Variants in BRWD3 observed in about 807,000 individuals in gnomAD.
BRWD3 encodes bromodomain and WD repeat domain containing 3.
BRWD3 carries 10 observed loss-of-function variants against 149.7 expected under a neutral mutation model. The observed-to-expected ratio is 0.07, with a 90% confidence interval of 0.04 to 0.11. The LOEUF (loss-of-function observed/expected upper bound fraction) is 0.11, where lower values mean the gene tolerates loss of function less well. Among genes scored for constraint, BRWD3 ranks in the 10% least tolerant of loss-of-function variants. The probability of loss-of-function intolerance (pLI) is 1.00; values close to 1 mark genes in which losing one functional copy is unlikely to be tolerated. For synonymous variants in BRWD3, 504 were observed against 456.7 expected (o/e 1.10, Z -1.32); for missense variants, 940 against 1,373.2 (o/e 0.68, Z 4.99).
At chrX:80,707,528 G>A in intron 21 of BRWD3, 25 bp from the exon 22 acceptor site, 1 of 1,157,980 alleles carries the variant, frequency 8.6e-7, no homozygotes, top group African/African-American at 1.8e-5. Flanking sequence ...CAGCAATTAA[G>A]ATATATGGAT....
chrX:80,688,094 C>T lies in BRWD3; in HGVS notation c.3839G>A (p.Gly1280Asp). 1 of 1,202,467 alleles carries T rather than the reference C, an allele frequency of 8.3e-7. No homozygotes were observed. The highest frequency in any genetic ancestry group is 1.1e-6 in the Non-Finnish European group (1 of 887,509). Residue 1280 changes from glycine (G) to aspartate (D), a missense_variant, in exon 34 of 41, where the codon GGT becomes GAT. Gly to Asp is a moderately conservative substitution (Grantham distance 94, BLOSUM62 -1). Around this residue, in one of 6 missense-constraint regions of BRWD3, gnomAD observed 349 missense variants for 419.6 expected, o/e 0.83. Coordinates refer to ENST00000373275, the MANE Select transcript of BRWD3 (RefSeq NM_153252.5). ...DTEIVDLDSD[G>D]PGTSSGRKVK... ...CTTTCTTCCAGATGAAGTACCAGGA[C>T]CGTCTGAATCTAAATCAACAATTTC...
intron 4 of BRWD3, among the ~76,000 whole-genome samples, chrX:80,804,559 A>G (rs1361730158): frequency 8.9e-6 from 1 of 111,831 alleles, no homozygotes; most frequent in Non-Finnish European, 1.9e-5. Context: ...TTATGATACG[A>G]GACTCCTAAA....
intron 31 of BRWD3, 100 bp downstream of exon 31, chrX:80,690,953 T>C: frequency 9.9e-7 from 1 of 1,010,422 alleles, no homozygotes; most frequent in Admixed American, 2.8e-5. Context: ...TGTGGGTCTT[T>C]TGGATGATCA....
In BRWD3 at chrX:80,686,868, A is replaced by G; in HGVS notation, c.4000T>C (p.Tyr1334His). Residue 1334 changes from tyrosine (Y) to histidine (H), a missense_variant, in exon 35 of 41, where the codon TAC becomes CAC. Coordinates refer to ENST00000373275, the MANE Select transcript of BRWD3 (RefSeq NM_153252.5). ...TTAAACAACTGTATGCTTACTGGGT[A>G]AGAAAGAAGATCAGCTGGCTGTCGA... Reference protein sequence around the residue: ...PFRQPADLLSYPGHQEQEGES... With the variant: ...PFRQPADLLSHPGHQEQEGES... The G allele has an allele frequency of 2.5e-6, 3 of 1,209,327 alleles. No homozygotes were observed. Among genetic ancestry groups the G allele is most frequent in the Non-Finnish European group, 3.4e-6 (3 of 893,784 alleles).
chrX:80,698,658 G>A (rs1270549807), intron 25 of BRWD3, among the ~76,000 whole-genome samples: 7 of 107,872 alleles, frequency 6.5e-5, no homozygotes, highest in Non-Finnish European at 1.1e-4. Context: ...GCAGTGAGCC[G>A]AGATCGCTCT....
chrX:80,729,006 GTTTAGA>G, intron 13 of BRWD3, 101 bp from the exon 14 acceptor site: 1 of 721,765 alleles, frequency 1.4e-6, no homozygotes, highest in East Asian at 3.2e-5. Context: ...GTATACAACT[GTTTAGA>G]TTTAAAAATC....
intron 29 of BRWD3, 50 bp downstream of exon 29, chrX:80,692,039 C>T: frequency 3.4e-6 from 4 of 1,186,405 alleles, no homozygotes; most frequent in Middle Eastern, 2.7e-4. Flanking sequence ...CATGTGATTA[C>T]CATTTTACTT....
chrX:80,737,804 C>G (rs1279190798), intron 8 of BRWD3, among the ~76,000 whole-genome samples: 1 of 112,795 alleles, frequency 8.9e-6, no homozygotes, highest in Non-Finnish European at 1.9e-5. Flanking sequence ...CACCGCACTC[C>G]AGCCTGGGCT....
At chrX:80,801,536 G>A (rs1055438722) in intron 4 of BRWD3, among the ~76,000 whole-genome samples, 1 of 109,112 alleles carries the variant, frequency 9.2e-6, no homozygotes, top group Non-Finnish European at 1.9e-5. Flanking sequence ...TTTAAACAGG[G>A]TAACTTAAAA....
intron 4 of BRWD3, among the ~76,000 whole-genome samples, chrX:80,796,495 T>C (rs2147860719): frequency 8.9e-6 from 1 of 112,133 alleles, no homozygotes; most frequent in African/African-American, 3.2e-5. Context: ...ATGCCTTTTT[T>C]GTTTTCCTAG....
rs765445237 is a variant in BRWD3, at chrX:80,674,404, G to A, written c.*2205C>T. On this transcript the variant is annotated 3_prime_UTR_variant, in exon 41 of 41. Transcript: ENST00000373275. ...CATTTCAAGAGGTCAGCTCTTCATA[G>A]AAGAATGTCAACAAAAAATTTCAAA... The A allele has an allele frequency of 9.0e-6, 1 of 111,155 alleles. No individual in the cohort carries two copies. The highest frequency in any genetic ancestry group is 1.9e-5 in the Non-Finnish European group (1 of 52,902). 9.2% of individuals were successfully genotyped at this position (111,155 alleles called of 1,213,427 possible).
chrX:80,706,360 C>T (rs12686966), intron 22 of BRWD3, among the ~76,000 whole-genome samples: 3,680 of 111,616 alleles, frequency 0.033, 75 homozygotes, highest in South Asian at 0.16. Flanking sequence ...CCTTCCACCT[C>T]GGCCTCCAAA....
At chrX:80,805,762 C>T (rs1051955498) in intron 4 of BRWD3, among the ~76,000 whole-genome samples, 2 of 111,216 alleles carry the variant, frequency 1.8e-5, no homozygotes, top group Non-Finnish European at 3.8e-5. Context: ...GGCGAAACCC[C>T]GTCTCTACTA....
rs775094050 is a variant in BRWD3 at position 80,793,635 on chromosome X, T to A, written c.318A>T (p.Leu106=). The A allele has an allele frequency of 4.1e-6, 5 of 1,208,481 alleles. No homozygotes were observed. The highest frequency in any genetic ancestry group is 4.5e-6 in the Non-Finnish European group (4 of 894,500). ...TGAAAATCTCACCTTTGGCATCCCG[T>A]AGCAGAGACTGCCGACCAACACCTA... ...TLLGVGRQSL[L]RDAKDCKSTL... Residue 106 remains leucine (L), a synonymous_variant, in exon 5 of 41, where the codon CTA becomes CTT. Transcript: ENST00000373275.
At chrX:80,794,377 C>T (rs1453362300) in intron 4 of BRWD3, among the ~76,000 whole-genome samples, 1 of 107,517 alleles carries the variant, frequency 9.3e-6, no homozygotes, top group Non-Finnish European at 1.9e-5. Flanking sequence ...ATGGTGGCTG[C>T]ACCTCTAATC....
At chrX:80,738,147 C>T (rs1017756601) in intron 8 of BRWD3, among the ~76,000 whole-genome samples, 1 of 112,389 alleles carries the variant, frequency 8.9e-6, no homozygotes, top group African/African-American at 3.2e-5. Flanking sequence ...ACCTTTATCT[C>T]CATTGCATTT....
rs1037447525 is a variant in BRWD3, at chrX:80,692,854, A to G, written c.3263+86T>C. On this transcript the variant is annotated intron_variant, in intron 28 of 40. Coordinates refer to ENST00000373275, the MANE Select transcript of BRWD3 (RefSeq NM_153252.5). ...TGTGAGACTAGATAAGTCAGATAAA[A>G]GGGCATTACTCCTGATGGAGGCTAT... 4.1e-6 allele frequency: 3 copies of G among 724,129 alleles called. No individual in the cohort carries two copies. The African/African-American group carries it at 6.3e-5, about 15-fold the overall frequency. The allele number at this position is 724,129 out of a possible 1,213,427, so 59.7% of individuals were successfully genotyped here. A position where few individuals can be genotyped will look rare whatever the true frequency, so the allele number is the denominator to read the frequency against.
intron 25 of BRWD3, among the ~76,000 whole-genome samples, chrX:80,698,395 GACA>G (rs2072732110): frequency 9.0e-6 from 1 of 111,636 alleles, no homozygotes; most frequent in Non-Finnish European, 1.9e-5. Context: ...AATTTCCTAG[GACA>G]ACAAGGTTAG....
intron 6 of BRWD3, among the ~76,000 whole-genome samples, chrX:80,772,596 C>G (rs2073956939): frequency 1.8e-5 from 2 of 109,743 alleles, no homozygotes; most frequent in African/African-American, 6.7e-5. Flanking sequence ...TGCACATGTA[C>G]CCTAGAACTT....
Sources: gnomAD v4.1 joint callset for allele counts (sites outside exome capture counted in the v4.1 genomes callset) on GRCh38, gnomAD v4.1.1 for gene constraint, gnomAD v4.1.1 regional missense constraint, MANE v1.5 for transcripts, NCBI Gene and HGNC (gene_info 2026-07-23, HGNC 2026-07-21) for gene names.